SVEP1: variants seen among roughly 807,000 people sequenced by gnomAD.
SVEP1 encodes the protein sushi, von Willebrand factor type A, EGF and pentraxin domain containing 1.
Under a neutral mutation model 367.3 loss-of-function variants are expected in SVEP1, and 164 were observed. The observed-to-expected ratio is 0.45, with a 90% confidence interval of 0.39 to 0.51. SVEP1 has a LOEUF of 0.51. Among genes scored for constraint, SVEP1 ranks in the 20% least tolerant of loss-of-function variants. The pLI is 0.00. For missense variants in SVEP1, 4,117 were observed against 4,425.3 expected (o/e 0.93, Z 1.98); for synonymous variants, 1,666 against 1,611.6 (o/e 1.03, Z -0.81).
chr9:110,478,994 T>A (rs778504313), intron 13 of SVEP1, among the ~76,000 whole-genome samples: 31 of 152,000 alleles, frequency 2.0e-4, no homozygotes, highest in Non-Finnish European at 4.1e-4. Flanking sequence ...TCTGGTTCAC[T>A]GCAACCTCCA....
rs1451582513 is a variant in SVEP1 at position 110,450,165 on chromosome 9, A to AT, written c.3996dup (p.Cys1333MetfsTer16). The AT allele has an allele frequency of 1.2e-6, 2 of 1,613,750 alleles. No individual in the cohort carries two copies. The highest frequency in any genetic ancestry group is 1.3e-5 in the African/African-American group (1 of 74,888). ...CGGGTACCCAAAAATCCAGGTGGGC[A>AT]TTTGCACAAGAATCCCCCAACCTGG... On this transcript the variant is annotated frameshift_variant, in exon 24 of 48. Transcript: ENST00000374469. LOFTEE classifies it high-confidence loss of function.
At chr9:110,438,988 C>T (rs182914527) in intron 27 of SVEP1, among the ~76,000 whole-genome samples, 106 of 152,304 alleles carry the variant, frequency 7.0e-4, no homozygotes, top group Non-Finnish European at 1.2e-3. Context: ...TCCCCTCTCA[C>T]CAACTCCGTT....
At chr9:110,550,773 A>T (rs1216317736) in intron 1 of SVEP1, among the ~76,000 whole-genome samples, 2 of 152,226 alleles carry the variant, frequency 1.3e-5, no homozygotes, top group Non-Finnish European at 2.9e-5. Flanking sequence ...TAAATCTGAC[A>T]CTGGGACTTT....
At chr9:110,458,082 A>C (rs906470625) in intron 20 of SVEP1, 2 of 464,788 alleles carry the variant, frequency 4.3e-6, no homozygotes, top group African/African-American at 4.0e-5. Context: ...TCTGGCAAAG[A>C]AATTTAAATA....
intron 1 of SVEP1, among the ~76,000 whole-genome samples, chr9:110,564,455 C>T (rs1025286047): frequency 7.2e-5 from 11 of 152,254 alleles, no homozygotes; most frequent in African/African-American, 2.2e-4. Flanking sequence ...AACTCTGGAA[C>T]GCTTGAAAAA....
At chr9:110,500,154 T>G (rs1829510655) in intron 6 of SVEP1, among the ~76,000 whole-genome samples, 1 of 151,060 alleles carries the variant, frequency 6.6e-6, no homozygotes, top group African/African-American at 2.4e-5. Flanking sequence ...AAATAATTTC[T>G]TTCCAAACTG....
chr9:110,479,739 G>A lies in SVEP1; in HGVS notation c.2383C>T (p.His795Tyr), dbSNP rs773750438. The part of the protein sequence containing the change: ...PDCAKKRFAN[H>Y]GFKSFEMFYK... ...AACATCTCAAAGGACTTGAACCCGT[G>A]GTTTGCAAAACGTTTTTCTAGAAAA... Residue 795 changes from histidine to tyrosine, a missense_variant, in exon 13 of 48, where the codon CAC becomes TAC. This residue lies in a region of SVEP1 where 2,174 missense variants were observed against 2,494.3 expected (regional missense o/e 0.87). Coordinates refer to ENST00000374469, the MANE Select transcript of SVEP1 (RefSeq NM_153366.4). The A allele has an allele frequency of 1.1e-5, 18 of 1,603,088 alleles. No individual in the cohort carries two copies. The highest frequency in any genetic ancestry group is 1.5e-5 in the Non-Finnish European group (18 of 1,176,610).
chr9:110,522,839 G>A (rs1205996196), intron 3 of SVEP1, among the ~76,000 whole-genome samples: 3 of 151,970 alleles, frequency 2.0e-5, no homozygotes, highest in African/African-American at 4.8e-5. Flanking sequence ...TTGGAAATAC[G>A]GATTATATCA....
intron 1 of SVEP1, among the ~76,000 whole-genome samples, chr9:110,577,443 A>G (rs2118895670): frequency 6.6e-6 from 1 of 152,264 alleles, no homozygotes; most frequent in East Asian, 1.9e-4. Context: ...TTTATTTTTT[A>G]AAATCAAGTT....
At position 110,408,580 on chromosome 9, in the gene SVEP1, G is replaced by A. The variant is rs11999887; in HGVS notation, c.7020C>T (p.Thr2340=). Residue 2340 remains threonine, a synonymous_variant, in exon 38 of 48, where the codon ACC becomes ACT. Coordinates refer to ENST00000374469, the MANE Select transcript of SVEP1 (RefSeq NM_153366.4). ...ENQLVLKELT[T]EVGVVTFSCK... is the part of the protein sequence containing the mutation. ...AGGAAAATGTCACAACTCCTACCTC[G>A]GTGGTCAACTCCTTTAATACTAGCT... 2.3e-3 allele frequency: 3,704 copies of A among 1,613,936 alleles called. 63 individuals are homozygous for A. In the African/African-American group the frequency reaches 0.043, roughly 19 times the overall value.
At chr9:110,430,568 C>G in intron 32 of SVEP1, 118 bp from the exon 33 acceptor site, 1 of 1,074,764 alleles carries the variant, frequency 9.3e-7, no homozygotes, top group Non-Finnish European at 1.3e-6. Flanking sequence ...GAGAAAACCT[C>G]GTGAAGGGAA....
At chr9:110,485,313 C>T (rs755211010) in intron 9 of SVEP1, among the ~76,000 whole-genome samples, 1 of 152,160 alleles carries the variant, frequency 6.6e-6, no homozygotes, top group Non-Finnish European at 1.5e-5. Flanking sequence ...AAGCCATTAT[C>T]CTCAGCAAAC....
chr9:110,368,231 C>T (rs1827227237), intron 47 of SVEP1, among the ~76,000 whole-genome samples: 1 of 152,180 alleles, frequency 6.6e-6, no homozygotes, highest in South Asian at 2.1e-4. Flanking sequence ...TCTGGTCCTC[C>T]TGATGCTCAA....
chr9:110,550,183 A>G (rs1830266673), intron 1 of SVEP1, 79 bp from the exon 2 acceptor site: 1 of 1,554,410 alleles, frequency 6.4e-7, no homozygotes, highest in African/African-American at 1.4e-5. Context: ...GTAAGGCAGT[A>G]CTTGCAAAGA....
intron 3 of SVEP1, among the ~76,000 whole-genome samples, chr9:110,538,921 T>C (rs1830111105): frequency 6.6e-6 from 1 of 152,116 alleles, no homozygotes; most frequent in East Asian, 1.9e-4. Flanking sequence ...TGATTTGTTG[T>C]TGGCAAAGGT....
At chr9:110,507,670 T>G (rs1829645778) in intron 5 of SVEP1, among the ~76,000 whole-genome samples, 1 of 152,224 alleles carries the variant, frequency 6.6e-6, no homozygotes, top group South Asian at 2.1e-4. Flanking sequence ...GCAAATAGAA[T>G]CTTTATTGTG....
chr9:110,522,761 T>C (rs940542929), intron 3 of SVEP1, among the ~76,000 whole-genome samples: 5 of 152,162 alleles, frequency 3.3e-5, no homozygotes, highest in African/African-American at 7.2e-5. Context: ...CAGGCTGTAG[T>C]TGGCTTTGAT....
chr9:110,387,294 G>C lies in SVEP1; in HGVS notation c.10051C>G (p.Leu3351Val), dbSNP rs1285363139. ...ENGTWSHPVPLCKPNPCPVPF... is the reference protein window; with the variant it reads ...ENGTWSHPVPVCKPNPCPVPF... ...TAAAGGCAACACACACGTTTGCAGA[G>C]AGGGACTGGGTGGCTCCAGGTTCCA... The change falls in exon 42 of 48, where the codon CTC (leucine) becomes GTC (valine). Residue 3351 changes from leucine to valine, a missense_variant. By Grantham distance (32) the Leu-to-Val change is conservative. Transcript: ENST00000374469. 6.3e-7 allele frequency: 1 copy of C among 1,589,596 alleles called. No individual in the cohort carries two copies. Among genetic ancestry groups the C allele is most frequent in the African/African-American group, 1.4e-5 (1 of 73,318 alleles).
rs79338806 is a variant in SVEP1 at position 110,501,459 on chromosome 9, T to A, written c.1483+1579A>T. Among the ~76,000 whole-genome samples the A allele has an allele frequency of 6.3e-3, 958 of 152,146 alleles. 11 individuals carry two copies. The highest frequency in any genetic ancestry group is 0.022 in the African/African-American group (917 of 41,546). On this transcript the variant is annotated intron_variant, in intron 6 of 47. Transcript: ENST00000374469. ...CTGGCAGATATATTTGCTATTTTAA[T>A]GACTTTAATGAGCTCTCGTTGATTA... is the stretch of plus-strand genomic sequence containing the variant.
Sources: allele counts gnomAD v4.1 joint callset (sites outside exome capture counted in the v4.1 genomes callset), GRCh38; gene constraint gnomAD v4.1.1; regional missense constraint gnomAD v4.1.1; transcripts MANE v1.5; gene names NCBI Gene and HGNC (gene_info 2026-07-23, HGNC 2026-07-21).